Variants in LVRN observed in about 807,000 individuals in gnomAD.
The protein encoded by LVRN is aminopeptidase Q.
Under a neutral mutation model 111.4 loss-of-function variants are expected in LVRN, and 99 were observed. That is an observed-to-expected ratio of 0.89 (90% CI 0.76 to 1.05). The LOEUF is 1.05. LVRN is among the 50% of genes least tolerant of loss of function. LVRN has a pLI of 0.00. For missense variants in LVRN, 1,414 were observed against 1,206.8 expected (o/e 1.17, Z -2.54); for synonymous variants, 488 against 449.5 (o/e 1.09, Z -1.08).
At chr5:115,974,896 A>G in intron 1 of LVRN, 3 of 462,402 alleles carry the variant, frequency 6.5e-6, no homozygotes. Flanking sequence ...CTGTATCACC[A>G]TGCAGAGACT....
At chr5:115,968,265 A>G (rs1031367301) in intron 1 of LVRN, among the ~76,000 whole-genome samples, 1 of 52,966 alleles carries the variant, frequency 1.9e-5, no homozygotes, top group Non-Finnish European at 3.9e-5. Flanking sequence ...GTTGTCTTCT[A>G]TTCATATTTT....
chr5:115,965,642 G>A (rs913603696), intron 1 of LVRN, among the ~76,000 whole-genome samples: 1 of 152,250 alleles, frequency 6.6e-6, no homozygotes, highest in South Asian at 2.1e-4. Flanking sequence ...CCCAGTGGGA[G>A]GTAATTGGAA....
At chr5:115,999,695 G>C (rs1748195162) in intron 6 of LVRN, 67 bp from the exon 7 acceptor site, 14 of 1,529,524 alleles carry the variant, frequency 9.2e-6, no homozygotes, top group Non-Finnish European at 1.3e-5. Flanking sequence ...AAGTATTTTA[G>C]GGCCATAGAA....
intron 1 of LVRN, among the ~76,000 whole-genome samples, chr5:115,973,341 G>A (rs540540694): frequency 1.3e-5 from 2 of 152,334 alleles, no homozygotes; most frequent in South Asian, 4.1e-4. Context: ...CTATGTTCAT[G>A]AGAGTTATGG....
In LVRN at chr5:116,001,196, T is replaced by C. The variant is rs111365749; in HGVS notation, c.1777T>C (p.Phe593Leu). ...VSTGVMKQEP[F>L]YLENIKNRTL... Reference sequence around the variant, plus strand: ...TACTGGCGTCATGAAACAGGAGCCATTTTATCTTGAAAACATTAAAAATCG... The same window carrying C: ...TACTGGCGTCATGAAACAGGAGCCACTTTATCTTGAAAACATTAAAAATCG... The change falls in exon 10 of 20, where the codon TTT (phenylalanine) becomes CTT (leucine). Residue 593 changes from phenylalanine to leucine, a missense_variant. Coordinates refer to ENST00000357872, the MANE Select transcript of LVRN (RefSeq NM_173800.5). 3.5e-4 allele frequency: 568 copies of C among 1,613,896 alleles called. 2 individuals carry two copies. The African/African-American group carries it at 6.9e-3, about 19-fold the overall frequency.
chr5:115,962,881 A>AC lies in LVRN; in HGVS notation c.269dup (p.Pro92AlafsTer57). 1 of 1,611,298 alleles carries AC rather than the reference A, an allele frequency of 6.2e-7. No individual in the cohort carries two copies. The highest frequency in any genetic ancestry group is 8.5e-7 in the Non-Finnish European group (1 of 1,179,406). Reference sequence around the variant, plus strand: ...TGACGACCACCCCGAGCAACTGGCGACCCCCGGGGCCCTGGGACCAGCTAC... The same window carrying AC: ...TGACGACCACCCCGAGCAACTGGCGACCCCCCGGGGCCCTGGGACCAGCTAC... On this transcript the variant is annotated frameshift_variant, in exon 1 of 20. Coordinates refer to ENST00000357872, the MANE Select transcript of LVRN (RefSeq NM_173800.5). LOFTEE classifies it high-confidence loss of function.
chr5:116,024,971 G>A (rs932561806), intron 19 of LVRN, among the ~76,000 whole-genome samples: 1 of 152,090 alleles, frequency 6.6e-6, no homozygotes, highest in Non-Finnish European at 1.5e-5. Context: ...AACACCTTCT[G>A]CATCTCTGGC....
intron 13 of LVRN, among the ~76,000 whole-genome samples, chr5:116,007,576 G>T (rs771557416): frequency 5.3e-5 from 8 of 152,012 alleles, no homozygotes; most frequent in Non-Finnish European, 1.5e-5. Flanking sequence ...ACTGCCTTTG[G>T]GACCTTTCAT....
At chr5:115,981,557 C>G (rs1228260055) in intron 1 of LVRN, among the ~76,000 whole-genome samples, 1 of 152,074 alleles carries the variant, frequency 6.6e-6, no homozygotes, top group Non-Finnish European at 1.5e-5. Flanking sequence ...GTATCCATCC[C>G]CTCAAGCATT....
At chr5:116,008,049 A>G (rs1748413911) in intron 13 of LVRN, among the ~76,000 whole-genome samples, 1 of 152,080 alleles carries the variant, frequency 6.6e-6, no homozygotes, top group Non-Finnish European at 1.5e-5. Context: ...AATCAGTACT[A>G]TTGAAATTAG....
intron 15 of LVRN, among the ~76,000 whole-genome samples, chr5:116,014,171 T>G (rs1010658903): frequency 6.6e-6 from 1 of 152,196 alleles, no homozygotes; most frequent in Non-Finnish European, 1.5e-5. Flanking sequence ...ATGGCAGTAA[T>G]TTGTTTCTAA....
intron 4 of LVRN, among the ~76,000 whole-genome samples, chr5:115,990,856 G>A (rs72802771): frequency 0.1 from 15,340 of 152,168 alleles, 1,036 homozygotes; most frequent in South Asian, 0.23. Flanking sequence ...ACGCGCATAA[G>A]CCACCATGCC....
intron 12 of LVRN, among the ~76,000 whole-genome samples, chr5:116,004,053 C>G (rs1302261486): frequency 6.6e-6 from 1 of 152,088 alleles, no homozygotes; most frequent in Non-Finnish European, 1.5e-5. Context: ...TTTTATTCAT[C>G]ATGAGGATTA....
intron 6 of LVRN, 64 bp from the exon 7 acceptor site, chr5:115,999,698 C>G: frequency 6.5e-7 from 1 of 1,532,906 alleles, no homozygotes; most frequent in Non-Finnish European, 8.9e-7. Flanking sequence ...TATTTTAGGG[C>G]CATAGAATTT....
intron 1 of LVRN, chr5:115,975,965 A>T (rs2112561345): frequency 1.2e-5 from 2 of 163,738 alleles, no homozygotes; most frequent in East Asian, 1.9e-4. Context: ...ATGTTGACTA[A>T]TGATTCCAGA....
At position 116,014,537 on chromosome 5, in the gene LVRN, A is replaced by G. The variant is rs1468832920; in HGVS notation, c.2450+10A>G. 1.3e-6 allele frequency: 2 copies of G among 1,597,816 alleles called. No homozygotes were observed. Among genetic ancestry groups the G allele is most frequent in the South Asian group, 2.2e-5 (2 of 90,604 alleles). The stretch of plus-strand genomic sequence containing the variant: ...ATCATCCAGAAAATGAGTAAGAGTA[A>G]TATCATAATTCCTCTTGTTTTTGTC... On this transcript the variant is annotated intron_variant, in intron 16 of 19. Transcript: ENST00000357872.
chr5:115,979,552 T>C (rs1274849507), intron 1 of LVRN, among the ~76,000 whole-genome samples: 3 of 152,184 alleles, frequency 2.0e-5, no homozygotes, highest in African/African-American at 7.2e-5. Flanking sequence ...ACCCAGGTTC[T>C]CAAGGCCATT....
chr5:116,001,351 T>G lies in LVRN; in HGVS notation c.1820+112T>G, dbSNP rs966275937. The stretch of plus-strand genomic sequence containing the variant: ...TACCCCCGCTGGGCATACACACTTC[T>G]GCAATGTGACTGTGTACTAGGGTGA... On this transcript the variant is annotated intron_variant, in intron 10 of 19. Transcript: ENST00000357872. 55 of 1,239,790 alleles carry G rather than the reference T, an allele frequency of 4.4e-5. No individual in the cohort carries two copies. In the African/African-American group the frequency reaches 6.9e-4, roughly 15 times the overall value. 76.8% of individuals were successfully genotyped at this position (1,239,790 alleles called of 1,614,324 possible).
intron 5 of LVRN, among the ~76,000 whole-genome samples, chr5:115,993,421 C>T (rs1329594177): frequency 4.6e-5 from 7 of 152,130 alleles, no homozygotes; most frequent in Non-Finnish European, 4.4e-5. Context: ...TTTTATGGAA[C>T]TAAAAACAAC....
Sources: gnomAD v4.1 joint callset for allele counts (sites outside exome capture counted in the v4.1 genomes callset) on GRCh38, gnomAD v4.1.1 for gene constraint, MANE v1.5 for transcripts, NCBI Gene and HGNC (gene_info 2026-07-23, HGNC 2026-07-21) for gene names.